Variants in SRP72 observed in about 807,000 individuals in gnomAD.
SRP72 encodes signal recognition particle 72.
A neutral mutation model predicts 96.3 loss-of-function variants in SRP72; 49 were observed. That is an observed-to-expected ratio of 0.51 (90% CI 0.40 to 0.65). The LOEUF is 0.65. SRP72 is among the 30% of genes least tolerant of loss of function. The pLI is 0.00. For missense variants in SRP72, 736 were observed against 793.3 expected, an observed-to-expected ratio of 0.93 and a Z score of 0.87; for synonymous variants, 267 against 275.2, an observed-to-expected ratio of 0.97 and a Z score of 0.30.
rs201727218 is a variant in SRP72 at position 56,474,409 on chromosome 4, C to T, written c.610+18C>T. 127 of 1,602,234 alleles carry T rather than the reference C, an allele frequency of 7.9e-5. No individual in the cohort carries two copies. In the East Asian group the frequency reaches 2.7e-3, roughly 33 times the overall value. ...AGCTGAAGGTTGGAAGTTTGTTAAACTTATCTGTAAATATAACGTGCATAT... is the reference window on the plus strand; with the variant it reads ...AGCTGAAGGTTGGAAGTTTGTTAAATTTATCTGTAAATATAACGTGCATAT... On this transcript the variant is annotated intron_variant, in intron 5 of 18. Coordinates refer to ENST00000642900, the MANE Select transcript of SRP72 (RefSeq NM_006947.4).
intron 17 of SRP72, among the ~76,000 whole-genome samples, chr4:56,500,016 A>G (rs904123019): frequency 2.0e-5 from 3 of 152,096 alleles, no homozygotes; most frequent in Non-Finnish European, 4.4e-5. Flanking sequence ...CATAGACACC[A>G]TCAATACTAT....
intron 9 of SRP72, 113 bp downstream of exon 9, chr4:56,483,383 C>A: frequency 1.9e-6 from 2 of 1,072,952 alleles, no homozygotes; most frequent in Non-Finnish European, 2.6e-6. Context: ...TTGTCTTCAA[C>A]TCATAAATAT....
At chr4:56,492,921 G>T (rs1394514710) in intron 16 of SRP72, among the ~76,000 whole-genome samples, 1 of 152,158 alleles carries the variant, frequency 6.6e-6, no homozygotes, top group Non-Finnish European at 1.5e-5. Context: ...GGAGTTTGAG[G>T]CTCCAGTGAG....
intron 16 of SRP72, chr4:56,495,138 C>A: frequency 3.0e-6 from 1 of 336,530 alleles, no homozygotes; most frequent in Non-Finnish European, 5.5e-6. Flanking sequence ...GAATTGTCAC[C>A]TCTGTTTTCT....
At position 56,502,470 on chromosome 4, in the gene SRP72, T is replaced by TATATATATATATGTATATATATATAC. The variant is rs1287681253; in HGVS notation, c.*622_*647dup. Reference sequence around the variant, plus strand: ...ATATGGGATACTTTTCATGTTTATATATATATATATATGTATATATATATA... The same window carrying TATATATATATATGTATATATATATAC: ...ATATGGGATACTTTTCATGTTTATATATATATATATATGTATATATATATACATATATATATATGTATATATATATA... On this transcript the variant is annotated 3_prime_UTR_variant, in exon 19 of 19. Coordinates refer to ENST00000642900, the MANE Select transcript of SRP72 (RefSeq NM_006947.4). 1 of 105,230 alleles carries TATATATATATATGTATATATATATAC rather than the reference T, an allele frequency of 9.5e-6. No individual in the cohort carries two copies. The highest frequency in any genetic ancestry group is 1.8e-5 in the Non-Finnish European group (1 of 55,718). 6.5% of individuals were successfully genotyped at this position (105,230 alleles called of 1,614,324 possible). A position where few individuals can be genotyped will look rare whatever the true frequency, so the allele number is the denominator to read the frequency against.
Position 56,467,735 on chromosome 4 carries a change from G to C in SRP72, c.100G>C (p.Val34Leu), listed in dbSNP as rs1719790510. The C allele has an allele frequency of 7.0e-7, 1 of 1,436,646 alleles. No homozygotes were observed. The highest frequency in any genetic ancestry group is 1.5e-5 in the African/African-American group (1 of 67,160). The allele number at this position is 1,436,646 out of a possible 1,614,324, so 89.0% of individuals were successfully genotyped here. ...CGACTTCACGCGCGCTCTCAAGACC[G>C]TCAATAAGAGTAAGTGTCGGGGTGG... ...NGDFTRALKT[V>L]NKILQINKDD... The change falls in exon 1 of 19, where the codon GTC becomes CTC. Residue 34 changes from valine (V) to leucine (L), a missense_variant. This residue lies in a region of SRP72 where 329 missense variants were observed against 319.0 expected (regional missense o/e 1.03). Coordinates refer to ENST00000642900, the MANE Select transcript of SRP72 (RefSeq NM_006947.4).
Position 56,486,526 on chromosome 4 carries a change from A to C in SRP72, c.1159+129A>C, listed in dbSNP as rs999382449. The C allele has an allele frequency of 2.9e-5, 19 of 660,862 alleles. No homozygotes were observed. The African/African-American group carries it at 3.5e-4, about 12-fold the overall frequency. The allele number at this position is 660,862 out of a possible 1,614,324, so 40.9% of individuals were successfully genotyped here. On this transcript the variant is annotated intron_variant, in intron 11 of 18. Coordinates refer to ENST00000642900, the MANE Select transcript of SRP72 (RefSeq NM_006947.4). ...AAGCATAATAATTACTGTTTCAAAC[A>C]TGCAGCTAGATTGTATGATCTCCAA...
intron 3 of SRP72, among the ~76,000 whole-genome samples, 185 bp downstream of exon 3, chr4:56,472,028 T>C (rs1172317673): frequency 6.6e-6 from 1 of 152,194 alleles, no homozygotes; most frequent in Non-Finnish European, 1.5e-5. Context: ...GCATATATAA[T>C]GTGCTATGAA....
chr4:56,488,351 T>C (rs1720791836), intron 12 of SRP72, among the ~76,000 whole-genome samples: 1 of 152,170 alleles, frequency 6.6e-6, no homozygotes, highest in Non-Finnish European at 1.5e-5. Context: ...GGCCAACAAA[T>C]TTAGTTTTTA....
chr4:56,502,468 T>C lies in SRP72; in HGVS notation c.*607T>C, dbSNP rs1429654223. On this transcript the variant is annotated 3_prime_UTR_variant, in exon 19 of 19. Transcript: ENST00000642900. ...GAATATGGGATACTTTTCATGTTTA[T>C]ATATATATATATATGTATATATATA... The C allele has an allele frequency of 1.5e-5, 2 of 137,920 alleles. No homozygotes were observed. Among genetic ancestry groups the C allele is most frequent in the African/African-American group, 2.6e-5 (1 of 38,204 alleles). 8.5% of individuals were successfully genotyped at this position (137,920 alleles called of 1,614,324 possible).
At chr4:56,480,492 T>C (rs1249606759) in intron 8 of SRP72, among the ~76,000 whole-genome samples, 2 of 152,174 alleles carry the variant, frequency 1.3e-5, no homozygotes, top group African/African-American at 4.8e-5. Flanking sequence ...ACTCCTGATC[T>C]CAAGTGATCC....
At chr4:56,494,797 T>TA (rs1469552824) in intron 16 of SRP72, among the ~76,000 whole-genome samples, 1 of 152,050 alleles carries the variant, frequency 6.6e-6, no homozygotes, top group Non-Finnish European at 1.5e-5. Context: ...AGATTTTACT[T>TA]ACATAAAAAA....
intron 5 of SRP72, 124 bp downstream of exon 5, chr4:56,474,515 C>A (rs1421716432): frequency 1.1e-5 from 9 of 812,528 alleles, no homozygotes; most frequent in Non-Finnish European, 1.7e-5. Flanking sequence ...GTGACAATTT[C>A]TCCAAGTTCC....
chr4:56,493,770 G>A (rs1720987547), intron 16 of SRP72, among the ~76,000 whole-genome samples: 1 of 152,150 alleles, frequency 6.6e-6, no homozygotes, highest in African/African-American at 2.4e-5. Context: ...GGAGGCTGAG[G>A]CAGGAGAATC....
chr4:56,478,520 A>G lies in SRP72; in HGVS notation c.767+17A>G, dbSNP rs948149023. 2 of 1,613,560 alleles carry G rather than the reference A, an allele frequency of 1.2e-6. No homozygotes were observed. Among genetic ancestry groups the G allele is most frequent in the African/African-American group, 1.3e-5 (1 of 74,982 alleles). On this transcript the variant is annotated intron_variant, in intron 7 of 18. Transcript: ENST00000642900. ...AAAACTAAAGTGAGTTATTAAAAGG[A>G]AGTGTCTTTTATAGGGGATGGGGTT...
intron 14 of SRP72, 22 bp from the exon 15 acceptor site, chr4:56,490,546 A>G: frequency 6.2e-7 from 1 of 1,610,516 alleles, no homozygotes; most frequent in Non-Finnish European, 8.5e-7. Context: ...CAGTTCAATA[A>G]TTTTCTTATT....
chr4:56,472,436 C>T (rs1720014361), intron 3 of SRP72, among the ~76,000 whole-genome samples: 2 of 151,234 alleles, frequency 1.3e-5, no homozygotes, highest in African/African-American at 4.9e-5. Context: ...GCCTCTGACT[C>T]CCAGGTTCAA....
At chr4:56,484,114 A>G (rs1430537907) in intron 9 of SRP72, among the ~76,000 whole-genome samples, 2 of 142,124 alleles carry the variant, frequency 1.4e-5, no homozygotes, top group African/African-American at 2.7e-5. Context: ...GCTCGCTGCA[A>G]CCTCTGCCTC....
Position 56,484,746 on chromosome 4 carries a change from G to A in SRP72, c.968G>A (p.Cys323Tyr). The change falls in exon 10 of 19, where the codon TGC (cysteine) becomes TAC (tyrosine). Residue 323 changes from cysteine (C) to tyrosine (Y), a missense_variant. Transcript: ENST00000642900. ...LAMYTNQAEQCRKISASLQSQ... is the reference protein window; with the variant it reads ...LAMYTNQAEQYRKISASLQSQ... ...TTGGATATCTTCTAGGCTGAACAAT[G>A]CCGCAAAATATCTGCCAGTTTACAG... The A allele has an allele frequency of 6.2e-7, 1 of 1,614,042 alleles. No individual in the cohort carries two copies. The highest frequency in any genetic ancestry group is 8.5e-7 in the Non-Finnish European group (1 of 1,180,006).
Sources: allele counts gnomAD v4.1 joint callset (sites outside exome capture counted in the v4.1 genomes callset), GRCh38; gene constraint gnomAD v4.1.1; regional missense constraint gnomAD v4.1.1; transcripts MANE v1.5; gene names NCBI Gene and HGNC (gene_info 2026-07-23, HGNC 2026-07-21).